Variants in SPOCK3 observed in about 807,000 individuals in gnomAD.
SPOCK3 encodes the protein SPARC (osteonectin), cwcv and kazal like domains proteoglycan 3, also known as testican-3.
A neutral mutation model predicts 56.6 loss-of-function variants in SPOCK3; 30 were observed. That is an observed-to-expected ratio of 0.53 (90% confidence interval 0.40 to 0.72). The LOEUF is 0.72. Ranked by LOEUF, SPOCK3 falls within the 30% of genes least tolerant of loss-of-function variation. The pLI is 0.00. For missense variants in SPOCK3, 527 were observed against 530.0 expected (o/e 0.99, Z 0.06); for synonymous variants, 196 against 183.3 (o/e 1.07, Z -0.56).
chr4:166,880,835 G>T (rs905068151), intron 6 of SPOCK3, among the ~76,000 whole-genome samples: 3 of 151,982 alleles, frequency 2.0e-5, no homozygotes, highest in African/African-American at 7.3e-5. Context: ...AACTGCTCAT[G>T]CTCCTCCATT....
intron 8 of SPOCK3, among the ~76,000 whole-genome samples, chr4:166,743,545 G>A (rs747817694): frequency 3.3e-5 from 5 of 152,268 alleles, no homozygotes; most frequent in South Asian, 2.1e-4. Flanking sequence ...TGTGAGCGAC[G>A]CAGAAGACGG....
chr4:166,976,655 T>G (rs990003841), intron 4 of SPOCK3, among the ~76,000 whole-genome samples: 1 of 152,166 alleles, frequency 6.6e-6, no homozygotes, highest in Non-Finnish European at 1.5e-5. Flanking sequence ...ATACTCTCTG[T>G]CCTCCTTCTT....
chr4:167,209,882 T>C (rs1734701009), intron 2 of SPOCK3, among the ~76,000 whole-genome samples: 1 of 152,150 alleles, frequency 6.6e-6, no homozygotes, highest in Admixed American at 6.6e-5. Context: ...TTAATGGGAA[T>C]TCCTTATACT....
At chr4:167,094,681 A>G (rs1758996567) in intron 2 of SPOCK3, among the ~76,000 whole-genome samples, 1 of 152,140 alleles carries the variant, frequency 6.6e-6, no homozygotes, top group African/African-American at 2.4e-5. Flanking sequence ...ATACTTAATG[A>G]TGTGAAACTA....
chr4:166,779,883 A>T (rs4438784), intron 7 of SPOCK3, among the ~76,000 whole-genome samples: 1 of 152,186 alleles, frequency 6.6e-6, no homozygotes, highest in Non-Finnish European at 1.5e-5. Context: ...ATAGAGGTAA[A>T]CAATAATTCA....
In SPOCK3 at chr4:167,170,718, C is replaced by A. The variant is rs1364291503; in HGVS notation, c.189+63267G>T. On this transcript the variant is annotated intron_variant, in intron 2 of 10. Transcript: ENST00000357545. ...TATCAAGTTTTTAAGTTTACCTTTT[C>A]TTAAGAAAACTTGATAAAGAAAATA... 3.3e-5 allele frequency among the ~76,000 whole-genome samples: 5 copies of A among 152,098 alleles called. No homozygotes were observed. In the South Asian group the frequency reaches 1.0e-3, roughly 31 times the overall value.
chr4:167,016,692 C>A (rs1014937605), intron 3 of SPOCK3, among the ~76,000 whole-genome samples: 1 of 151,968 alleles, frequency 6.6e-6, no homozygotes. Flanking sequence ...AGGCGTCTAC[C>A]ACCACACCAG....
chr4:167,163,151 T>G (rs1465382226), intron 2 of SPOCK3, among the ~76,000 whole-genome samples: 1 of 146,630 alleles, frequency 6.8e-6, no homozygotes, highest in East Asian at 2.0e-4. Context: ...AAAACATAGG[T>G]TTTTTTGTTG....
chr4:166,940,022 TA>T (rs1740873149), intron 4 of SPOCK3, among the ~76,000 whole-genome samples: 1 of 152,058 alleles, frequency 6.6e-6, no homozygotes, highest in South Asian at 2.1e-4. Flanking sequence ...TCTGCATTAC[TA>T]AAGGAAAGAT....
intron 2 of SPOCK3, among the ~76,000 whole-genome samples, chr4:167,188,312 T>G (rs2110825387): frequency 6.9e-6 from 1 of 145,812 alleles, no homozygotes; most frequent in South Asian, 2.1e-4. Context: ...ATACATTTAC[T>G]CACAAAATCA....
Position 166,855,889 on chromosome 4 carries a change from T to A in SPOCK3, c.589+33241A>T, listed in dbSNP as rs192404322. Among the ~76,000 whole-genome samples the A allele has an allele frequency of 1.3e-3, 196 of 152,276 alleles. 1 individual carries two copies. The highest frequency in any genetic ancestry group is 2.6e-3 in the Admixed American group (40 of 15,286). ...TGGGGAACACATTTTGACACTCTTA[T>A]GGGGTAGGAGTTACAAGGGCAAGGA... On this transcript the variant is annotated intron_variant, in intron 6 of 10. Coordinates refer to ENST00000357545, the MANE Select transcript of SPOCK3 (RefSeq NM_001040159.2).
intron 4 of SPOCK3, among the ~76,000 whole-genome samples, chr4:166,987,140 G>C (rs1197535009): frequency 2.0e-5 from 3 of 152,114 alleles, no homozygotes; most frequent in African/African-American, 7.2e-5. Context: ...AGCCCTATAA[G>C]ATATGAGTGC....
intron 4 of SPOCK3, among the ~76,000 whole-genome samples, chr4:166,926,028 A>G (rs1021524903): frequency 6.6e-6 from 1 of 152,178 alleles, no homozygotes; most frequent in Non-Finnish European, 1.5e-5. Context: ...TCATATATTT[A>G]CACAACCACT....
intron 4 of SPOCK3, among the ~76,000 whole-genome samples, chr4:166,927,996 T>A (rs532998816): frequency 1.3e-5 from 2 of 152,316 alleles, no homozygotes; most frequent in South Asian, 4.1e-4. Context: ...CAGCATATGT[T>A]ATTCAGGACT....
intron 3 of SPOCK3, among the ~76,000 whole-genome samples, chr4:167,052,039 A>C (rs1754267456): frequency 6.6e-6 from 1 of 152,238 alleles, no homozygotes; most frequent in African/African-American, 2.4e-5. Flanking sequence ...ATCAAGCATT[A>C]TATAGTAATC....
At chr4:166,969,885 G>A (rs887272977) in intron 4 of SPOCK3, among the ~76,000 whole-genome samples, 1 of 151,962 alleles carries the variant, frequency 6.6e-6, no homozygotes, top group Non-Finnish European at 1.5e-5. Flanking sequence ...CAGCTTTATG[G>A]GTAGTCTTAG....
At chr4:166,954,295 C>T (rs1001773803) in intron 4 of SPOCK3, among the ~76,000 whole-genome samples, 2 of 152,070 alleles carry the variant, frequency 1.3e-5, no homozygotes, top group Non-Finnish European at 2.9e-5. Context: ...TGTACAGAAG[C>T]TTATAGTTTG....
At chr4:167,180,344 C>CTGAA (rs1731344315) in intron 2 of SPOCK3, among the ~76,000 whole-genome samples, 1 of 152,056 alleles carries the variant, frequency 6.6e-6, no homozygotes, top group South Asian at 2.1e-4. Flanking sequence ...GCAGGAACAC[C>CTGAA]TGAACATTGA....
intron 3 of SPOCK3, among the ~76,000 whole-genome samples, chr4:167,026,844 C>T (rs148408357): frequency 0.011 from 1,518 of 137,050 alleles, 9 homozygotes; most frequent in Non-Finnish European, 0.018. Flanking sequence ...TTTTCTCAAG[C>T]GTCTGGCTTT....
Sources: gnomAD v4.1 joint callset for allele counts (sites outside exome capture counted in the v4.1 genomes callset) on GRCh38, gnomAD v4.1.1 for gene constraint, MANE v1.5 for transcripts, NCBI Gene and HGNC (gene_info 2026-07-23, HGNC 2026-07-21) for gene names.